The following NUBPL variants were observed in gnomAD, a reference collection of about 807,000 sequenced individuals.
NUBPL encodes the protein NUBP iron-sulfur cluster assembly factor, mitochondrial, also known as iron-sulfur cluster transfer protein NUBPL.
A neutral mutation model predicts 45.7 loss-of-function variants in NUBPL; 31 were observed. The ratio of observed to expected loss-of-function variants is 0.68; its 90% CI spans 0.51 to 0.92. The LOEUF (loss-of-function observed/expected upper bound fraction) is 0.92, where lower values mean the gene tolerates loss of function less well. NUBPL is among the 40% of genes least tolerant of loss of function. The probability of loss-of-function intolerance (pLI) is 0.00; values close to 1 mark genes in which losing one functional copy is unlikely to be tolerated. For missense variants in NUBPL, 401 were observed against 398.7 expected (o/e 1.01, Z -0.05); for synonymous variants, 144 against 140.9 (o/e 1.02, Z -0.15).
At chr14:31,708,170 G>C (rs1429923805) in intron 6 of NUBPL, among the ~76,000 whole-genome samples, 1 of 152,198 alleles carries the variant, frequency 6.6e-6, no homozygotes, top group Non-Finnish European at 1.5e-5. Context: ...TCCACTGACT[G>C]TTTGGTTTTT....
intron 6 of NUBPL, among the ~76,000 whole-genome samples, chr14:31,683,499 C>T (rs2036883875): frequency 6.6e-6 from 1 of 151,614 alleles, no homozygotes; most frequent in South Asian, 2.1e-4. Context: ...GCTGGGATTA[C>T]AGGCCACCAC....
intron 7 of NUBPL, among the ~76,000 whole-genome samples, chr14:31,799,604 C>T (rs1335586431): frequency 6.6e-6 from 1 of 152,216 alleles, no homozygotes; most frequent in African/African-American, 2.4e-5. Context: ...ACAAAACTTA[C>T]ATTTACACTA....
chr14:31,838,605 G>T lies in NUBPL; in HGVS notation c.694-7866G>T, dbSNP rs561270573. ...TTGGAGGATATATAGGGAAACTTCT[G>T]GGGTGTTGGCAACATTTTATTAACA... On this transcript the variant is annotated intron_variant, in intron 8 of 10. Coordinates refer to ENST00000281081, the MANE Select transcript of NUBPL (RefSeq NM_025152.3). Among the ~76,000 whole-genome samples the T allele has an allele frequency of 3.3e-5, 5 of 152,238 alleles. No individual in the cohort carries two copies. In the East Asian group the frequency reaches 7.7e-4, roughly 23 times the overall value.
intron 9 of NUBPL, among the ~76,000 whole-genome samples, chr14:31,849,892 A>G (rs2040510727): frequency 6.6e-6 from 1 of 152,224 alleles, no homozygotes; most frequent in African/African-American, 2.4e-5. Context: ...ATGTGGTGCC[A>G]CAGAGCTTTC....
chr14:31,713,312 C>T (rs924186444), intron 6 of NUBPL, among the ~76,000 whole-genome samples: 4 of 152,132 alleles, frequency 2.6e-5, no homozygotes, highest in Admixed American at 2.0e-4. Context: ...CATAGTTTTT[C>T]GTCTTTGAGT....
intron 4 of NUBPL, among the ~76,000 whole-genome samples, chr14:31,610,253 A>G (rs548889437): frequency 1.6e-4 from 24 of 152,236 alleles, no homozygotes; most frequent in Non-Finnish European, 2.9e-4. Context: ...GCAGAAATTC[A>G]AAGGATCATT....
intron 7 of NUBPL, 149 bp downstream of exon 7, chr14:31,788,022 T>C: frequency 1.6e-6 from 1 of 619,700 alleles, no homozygotes; most frequent in Non-Finnish European, 2.9e-6. Context: ...AAGCATAAAT[T>C]ATTCAAAATA....
At chr14:31,698,856 C>CTTT (rs753448190) in intron 6 of NUBPL, among the ~76,000 whole-genome samples, 1 of 140,684 alleles carries the variant, frequency 7.1e-6, no homozygotes. Context: ...GTGACTTACA[C>CTTT]TTTTTTTTTT....
rs569198384 is a variant in NUBPL at position 31,590,424 on chromosome 14, G to A, written c.292-8865G>A. Among the ~76,000 whole-genome samples the A allele has an allele frequency of 2.0e-5, 3 of 152,234 alleles. No homozygotes were observed. In the East Asian group the frequency reaches 5.8e-4, roughly 29 times the overall value. On this transcript the variant is annotated intron_variant, in intron 3 of 10. Transcript: ENST00000281081. ...GCAGTGTTGGAAGGGTCATTGAGGG[G>A]AAGAGAGCAGAGCATATGGAACTGT... is the stretch of plus-strand genomic sequence containing the variant.
chr14:31,673,467 T>G lies in NUBPL; in HGVS notation c.423-17T>G. On this transcript the variant is annotated splice_polypyrimidine_tract_variant and intron_variant, in intron 5 of 10. Transcript: ENST00000281081. Reference sequence around the variant, plus strand: ...TAATTTATACAAATTAGTTGTATTTTTATGTTACTGTTGCAGTATGTCTAT... The same window carrying G: ...TAATTTATACAAATTAGTTGTATTTGTATGTTACTGTTGCAGTATGTCTAT... 1 of 1,611,542 alleles carries G rather than the reference T, an allele frequency of 6.2e-7. No individual in the cohort carries two copies. Among genetic ancestry groups the G allele is most frequent in the Non-Finnish European group, 8.5e-7 (1 of 1,177,770 alleles).
At chr14:31,666,927 A>C (rs1171036567) in intron 4 of NUBPL, among the ~76,000 whole-genome samples, 1 of 152,144 alleles carries the variant, frequency 6.6e-6, no homozygotes, top group Non-Finnish European at 1.5e-5. Flanking sequence ...ATCTACTGTT[A>C]GTCTGATGGG....
chr14:31,608,967 T>G (rs1053600902), intron 4 of NUBPL, among the ~76,000 whole-genome samples: 10 of 151,562 alleles, frequency 6.6e-5, no homozygotes, highest in African/African-American at 2.4e-4. Flanking sequence ...GTAAATTATA[T>G]CACCAGAGAA....
intron 8 of NUBPL, among the ~76,000 whole-genome samples, chr14:31,839,535 C>T (rs543603879): frequency 6.6e-6 from 1 of 152,242 alleles, no homozygotes; most frequent in East Asian, 1.9e-4. Context: ...AGAAGAGAAG[C>T]TCTATGACAT....
chr14:31,771,927 A>G (rs746261732), intron 6 of NUBPL: 1 of 966,644 alleles, frequency 1.0e-6, no homozygotes. Flanking sequence ...GATCATCCCT[A>G]GCATGCAGTA....
intron 4 of NUBPL, among the ~76,000 whole-genome samples, chr14:31,643,122 C>G (rs1442406105): frequency 1.3e-5 from 2 of 152,114 alleles, no homozygotes; most frequent in South Asian, 2.1e-4. Flanking sequence ...TGATTTCTTC[C>G]TTTCCAATTT....
At chr14:31,654,480 C>A (rs79927728) in intron 4 of NUBPL, among the ~76,000 whole-genome samples, 6,461 of 151,096 alleles carry the variant, frequency 0.043, 192 homozygotes, top group Non-Finnish European at 0.061. Context: ...ATGATCTCAG[C>A]TCACTGCAAG....
At chr14:31,689,933 T>A (rs370969588) in intron 6 of NUBPL, among the ~76,000 whole-genome samples, 2 of 28 alleles carry the variant, frequency 0.071, no homozygotes, top group South Asian at 0.5. Context: ...TTCCCCATTG[T>A]TTTTTTTTTT....
At position 31,638,946 on chromosome 14, in the gene NUBPL, A is replaced by G. The variant is rs548245315; in HGVS notation, c.383-34409A>G. Among the ~76,000 whole-genome samples the G allele has an allele frequency of 2.0e-4, 30 of 152,142 alleles. 2 individuals carry two copies. The South Asian group carries it at 6.0e-3, about 31-fold the overall frequency. On this transcript the variant is annotated intron_variant, in intron 4 of 10. Transcript: ENST00000281081. ...GGCTTTCAGCTCCATCAGCTCCTTT[A>G]AGCACTTCTCTCTATTGGTTATTCT...
chr14:31,690,993 A>G (rs1203844922), intron 6 of NUBPL, among the ~76,000 whole-genome samples: 1 of 152,252 alleles, frequency 6.6e-6, no homozygotes, highest in African/African-American at 2.4e-5. Flanking sequence ...GGACACTTCT[A>G]TGATGCGGGC....
Sources: allele counts gnomAD v4.1 joint callset (sites outside exome capture counted in the v4.1 genomes callset), GRCh38; gene constraint gnomAD v4.1.1; transcripts MANE v1.5; gene names NCBI Gene and HGNC (gene_info 2026-07-23, HGNC 2026-07-21).